RBFOX3: variants seen among roughly 807,000 people sequenced by gnomAD.
RBFOX3 encodes the protein RNA binding protein fox-1 homolog 3.
Under a neutral mutation model 48.7 loss-of-function variants are expected in RBFOX3, and 17 were observed. The ratio of observed to expected loss-of-function variants is 0.35; its 90% CI spans 0.24 to 0.52. RBFOX3 has a LOEUF of 0.52. Among genes scored for constraint, RBFOX3 ranks in the 20% least tolerant of loss-of-function variants. The pLI is 0.94. For missense variants in RBFOX3, 382 were observed against 497.5 expected (o/e 0.77, Z 2.21); for synonymous variants, 212 against 209.5 (o/e 1.01, Z -0.10).
chr17:79,200,734 G>A (rs996899923), intron 4 of RBFOX3, among the ~76,000 whole-genome samples: 1 of 152,292 alleles, frequency 6.6e-6, no homozygotes, highest in Non-Finnish European at 1.5e-5. Flanking sequence ...AACTTTGCAT[G>A]GAGGGTACAG....
the RBFOX3 span, among the ~76,000 whole-genome samples, chr17:79,644,024 T>C: frequency 1.3e-5 from 2 of 152,116 alleles, no homozygotes; most frequent in Non-Finnish European, 2.9e-5. Flanking sequence ...AAGAGAGATC[T>C]CTAGAAATCC....
intron 5 of RBFOX3, among the ~76,000 whole-genome samples, chr17:79,112,767 C>T (rs1452643688): frequency 1.3e-5 from 2 of 152,044 alleles, no homozygotes; most frequent in Admixed American, 1.3e-4. Flanking sequence ...CCAGGGCAGC[C>T]CATGCTCACC....
intron 4 of RBFOX3, among the ~76,000 whole-genome samples, chr17:79,158,492 T>C (rs571187943): frequency 2.2e-4 from 34 of 152,178 alleles, no homozygotes; most frequent in African/African-American, 7.2e-4. Flanking sequence ...TCCCCACGAC[T>C]CAGAGGCCGG....
chr17:79,509,469 G>A (rs1258677750), intron 1 of RBFOX3, among the ~76,000 whole-genome samples: 2 of 152,002 alleles, frequency 1.3e-5, no homozygotes, highest in Non-Finnish European at 2.9e-5. Context: ...CACTTGGGGA[G>A]CTTGGAAACT....
At chr17:79,573,385 A>G (rs2092746820) in intron 1 of RBFOX3, among the ~76,000 whole-genome samples, 1 of 152,356 alleles carries the variant, frequency 6.6e-6, no homozygotes, top group African/African-American at 2.4e-5. Context: ...TGGGCTATGC[A>G]GTCCCCAGCC....
At chr17:79,539,177 A>T (rs1309497226) in intron 1 of RBFOX3, among the ~76,000 whole-genome samples, 3 of 151,964 alleles carry the variant, frequency 2.0e-5, no homozygotes, top group African/African-American at 4.8e-5. Context: ...CATAGCAAAA[A>T]CCTGTTTCTA....
At chr17:79,534,142 C>T (rs1390269356) in intron 1 of RBFOX3, among the ~76,000 whole-genome samples, 1 of 152,192 alleles carries the variant, frequency 6.6e-6, no homozygotes, top group Non-Finnish European at 1.5e-5. Flanking sequence ...TAAGAAAACG[C>T]CCTTTGTAAA....
Position 79,481,187 on chromosome 17 carries a change from G to C in RBFOX3, c.-175+1267C>G, listed in dbSNP as rs748627678. On this transcript the variant is annotated intron_variant, in intron 2 of 14. Transcript: ENST00000693108. The surrounding 1 kb of genome is among the most constrained non-coding windows in gnomAD (Gnocchi z 5.4). ...GTATTGGAGAGACCAGCCTGTGTCC[G>C]GGCCTCTGGTCTCTTTGTCCAGGGT... is the stretch of plus-strand genomic sequence containing the variant. 7.2e-3 allele frequency among the ~76,000 whole-genome samples: 1,099 copies of C among 152,230 alleles called. 17 individuals are homozygous for C. The highest frequency in any genetic ancestry group is 0.034 in the Admixed American group (522 of 15,288).
Position 79,332,532 on chromosome 17 carries a change from G to A in RBFOX3, c.-174-24708C>T, listed in dbSNP as rs575837541. On this transcript the variant is annotated intron_variant, in intron 2 of 14. Coordinates refer to ENST00000693108, the MANE Select transcript of RBFOX3 (RefSeq NM_001350451.2). ...GAGGGGAGCACATGAGTGAGGGGCA[G>A]CCAGAGACAGAGACACAGAGAAGTG... 2.2e-5 allele frequency among the ~76,000 whole-genome samples: 3 copies of A among 134,992 alleles called. No individual in the cohort carries two copies. The South Asian group carries it at 7.6e-4, about 34-fold the overall frequency. The allele number at this position is 134,992 out of a possible 152,430, so 88.6% of individuals were successfully genotyped here.
At chr17:79,154,870 T>C (rs2612779) in intron 4 of RBFOX3, among the ~76,000 whole-genome samples, 104,861 of 152,152 alleles carry the variant, frequency 0.69, 36,286 homozygotes, top group Middle Eastern at 0.73. Flanking sequence ...CAGGTGCACA[T>C]GCACAGGTGG....
At chr17:79,121,395 T>G (rs368884108) in intron 4 of RBFOX3, among the ~76,000 whole-genome samples, 2 of 152,112 alleles carry the variant, frequency 1.3e-5, no homozygotes, top group South Asian at 4.1e-4. Flanking sequence ...TCCTACAAAC[T>G]CAATTCACCA....
chr17:79,401,002 A>G (rs1304507256), intron 2 of RBFOX3, among the ~76,000 whole-genome samples: 1 of 152,164 alleles, frequency 6.6e-6, no homozygotes, highest in Non-Finnish European at 1.5e-5. Flanking sequence ...AAACAGAAAA[A>G]CACGTCGTCA....
At chr17:79,139,249 C>T (rs1057418421) in intron 4 of RBFOX3, among the ~76,000 whole-genome samples, 1 of 151,944 alleles carries the variant, frequency 6.6e-6, no homozygotes, top group Non-Finnish European at 1.5e-5. Flanking sequence ...CCCCCCACCC[C>T]GACACAGGGA....
At position 79,249,269 on chromosome 17, in the gene RBFOX3, T is replaced by C. The variant is rs909558270; in HGVS notation, c.-73-13464A>G. The stretch of plus-strand genomic sequence containing the variant: ...CCGTTTGTGCTTGGGCTGCGGATTC[T>C]GGCTAGTGAGATGCTGAGCTGTGAA... On this transcript the variant is annotated intron_variant, in intron 3 of 14. Coordinates refer to ENST00000693108, the MANE Select transcript of RBFOX3 (RefSeq NM_001350451.2). This position sits in a 1 kb window ranked among gnomAD's most constrained non-coding sequence, Gnocchi z 4.1. Among the ~76,000 whole-genome samples, 2 of 152,204 alleles carry C rather than the reference T, an allele frequency of 1.3e-5. No homozygotes were observed. Among genetic ancestry groups the C allele is most frequent in the Non-Finnish European group, 2.9e-5 (2 of 68,026 alleles).
At chr17:79,101,917 C>T (rs2076516660) in intron 8 of RBFOX3, among the ~76,000 whole-genome samples, 1 of 152,226 alleles carries the variant, frequency 6.6e-6, no homozygotes, top group African/African-American at 2.4e-5. Flanking sequence ...CTCCCAGGCA[C>T]CCCAGGACAG....
intron 1 of RBFOX3, among the ~76,000 whole-genome samples, chr17:79,527,533 T>C (rs1195020316): frequency 1.3e-5 from 2 of 152,220 alleles, no homozygotes; most frequent in Non-Finnish European, 2.9e-5. Flanking sequence ...CTCTCTCGTG[T>C]CTATTTTAGT....
chr17:79,540,663 G>C (rs894047052), intron 1 of RBFOX3, among the ~76,000 whole-genome samples: 1 of 152,226 alleles, frequency 6.6e-6, no homozygotes, highest in Non-Finnish European at 1.5e-5. Flanking sequence ...CACAGACGTG[G>C]GCTGAGAGCG....
At chr17:79,136,634 C>T (rs980979955) in intron 4 of RBFOX3, among the ~76,000 whole-genome samples, 2 of 152,206 alleles carry the variant, frequency 1.3e-5, no homozygotes, top group African/African-American at 4.8e-5. Flanking sequence ...CCTGGCGTAG[C>T]ACTGCCAGAA....
At chr17:79,475,889 T>C (rs2077668935) in intron 2 of RBFOX3, among the ~76,000 whole-genome samples, 1 of 152,230 alleles carries the variant, frequency 6.6e-6, no homozygotes, top group African/African-American at 2.4e-5. Flanking sequence ...GCAACCCCGC[T>C]GCCCTCCTGA....
Sources: gnomAD v4.1 joint callset for allele counts (sites outside exome capture counted in the v4.1 genomes callset) on GRCh38, gnomAD v4.1.1 for gene constraint, Gnocchi (gnomAD v3.1) non-coding constraint, MANE v1.5 for transcripts, NCBI Gene and HGNC (gene_info 2026-07-23, HGNC 2026-07-21) for gene names.